Variants in RASSF8 observed in about 807,000 individuals in gnomAD.
RASSF8 encodes Ras association domain family member 8, also known as ras association domain-containing protein 8.
RASSF8 carries 22 observed loss-of-function variants against 48.5 expected under a neutral mutation model. The observed-to-expected ratio is 0.45, with a 90% CI of 0.32 to 0.65. The LOEUF (loss-of-function observed/expected upper bound fraction) is 0.65, where lower values mean the gene tolerates loss of function less well. Ranked by LOEUF, RASSF8 falls within the 30% of genes least tolerant of loss-of-function variation. RASSF8 has a pLI of 0.03. For missense variants in RASSF8, 418 were observed against 489.2 expected (o/e 0.85, Z 1.37); for synonymous variants, 127 against 171.5 (o/e 0.74, Z 2.03).
chr12:26,045,777 T>C (rs1181736067), intron 2 of RASSF8, among the ~76,000 whole-genome samples: 1 of 152,210 alleles, frequency 6.6e-6, no homozygotes, highest in Non-Finnish European at 1.5e-5. Flanking sequence ...GAATGGTGGA[T>C]TTCATTGCAA....
intron 1 of RASSF8, among the ~76,000 whole-genome samples, chr12:25,971,570 GAA>G (rs139868434): frequency 6.7e-6 from 1 of 149,000 alleles, no homozygotes; most frequent in South Asian, 2.1e-4. Flanking sequence ...ATTTCATATG[GAA>G]AAAAAAGAAA....
chr12:25,959,879 T>C (rs1941188641), intron 1 of RASSF8: 1 of 152,214 alleles, frequency 6.6e-6, no homozygotes, highest in South Asian at 2.1e-4. Context: ...ACCACTACTT[T>C]CCCAGCCTCA....
rs191753963 is a variant in RASSF8, at chr12:25,964,977, C to G, written c.-203+5829C>G. On this transcript the variant is annotated intron_variant, in intron 1 of 5. Transcript: ENST00000689635. Reference sequence around the variant, plus strand: ...ATATTTTTTGAGACGGAGTCTTGCTCTGTCGTCCAGGCTGGAGTGCAGTGG... The same window carrying G: ...ATATTTTTTGAGACGGAGTCTTGCTGTGTCGTCCAGGCTGGAGTGCAGTGG... Among the ~76,000 whole-genome samples the G allele has an allele frequency of 3.8e-4, 58 of 152,248 alleles. No homozygotes were observed. The East Asian group carries it at 0.01, about 26-fold the overall frequency.
chr12:26,035,444 A>G (rs1391802375), intron 2 of RASSF8, among the ~76,000 whole-genome samples: 3 of 124,326 alleles, frequency 2.4e-5, no homozygotes, highest in Non-Finnish European at 5.2e-5. Context: ...ATTATATAAT[A>G]TAAGTATATG....
chr12:25,984,432 T>G (rs1941823380), intron 1 of RASSF8, among the ~76,000 whole-genome samples: 1 of 151,862 alleles, frequency 6.6e-6, no homozygotes, highest in Admixed American at 6.6e-5. Context: ...AACCTCTTCC[T>G]CCCCGGTTCA....
chr12:26,034,427 A>C (rs1943089620), intron 2 of RASSF8, among the ~76,000 whole-genome samples: 2 of 151,284 alleles, frequency 1.3e-5, no homozygotes, highest in Admixed American at 6.6e-5. Flanking sequence ...AAAAAATCTC[A>C]TGATGTTTTA....
intron 1 of RASSF8, among the ~76,000 whole-genome samples, chr12:25,964,160 G>A (rs892235851): frequency 7.9e-5 from 12 of 152,132 alleles, no homozygotes; most frequent in African/African-American, 2.9e-4. Context: ...TTTCCACCAT[G>A]TATATATGTC....
chr12:25,990,936 T>G (rs574153101), intron 1 of RASSF8, among the ~76,000 whole-genome samples: 1 of 152,238 alleles, frequency 6.6e-6, no homozygotes, highest in East Asian at 1.9e-4. Context: ...CAGAAAACAT[T>G]TTGGGGATCT....
chr12:26,003,626 G>A (rs1057064191), intron 2 of RASSF8, among the ~76,000 whole-genome samples: 1 of 151,666 alleles, frequency 6.6e-6, no homozygotes, highest in Non-Finnish European at 1.5e-5. Flanking sequence ...AACTGTATAG[G>A]GGGAATAAAA....
chr12:26,045,906 C>A (rs910312426), intron 2 of RASSF8, among the ~76,000 whole-genome samples: 11 of 152,150 alleles, frequency 7.2e-5, no homozygotes, highest in Non-Finnish European at 1.6e-4. Flanking sequence ...AATTTGCCAT[C>A]TCTTACGTAG....
chr12:26,055,406 A>G lies in RASSF8; in HGVS notation c.63A>G (p.Thr21=). 1 of 1,614,126 alleles carries G rather than the reference A, an allele frequency of 6.2e-7. No individual in the cohort carries two copies. Among genetic ancestry groups the G allele is most frequent in the South Asian group, 1.1e-5 (1 of 91,086 alleles). Reference sequence around the variant, plus strand: ...TTGTTTGTGGAGTCACTGAAGTCACAACTTGCCAGGAGGTTGTCATAGCCT... The same window carrying G: ...TTGTTTGTGGAGTCACTGAAGTCACGACTTGCCAGGAGGTTGTCATAGCCT... The part of the protein sequence containing the change: ...QRIVCGVTEV[T]TCQEVVIALA... The change falls in exon 3 of 6, where the codon ACA becomes ACG. Residue 21 remains threonine, a synonymous_variant. Transcript: ENST00000689635.
chr12:25,974,163 G>C (rs1447947352), intron 1 of RASSF8, among the ~76,000 whole-genome samples: 1 of 152,010 alleles, frequency 6.6e-6, no homozygotes, highest in African/African-American at 2.4e-5. Context: ...TAAATGGAGT[G>C]TAATTTTTTT....
At chr12:25,964,507 C>T (rs1363874938) in intron 1 of RASSF8, among the ~76,000 whole-genome samples, 1 of 152,122 alleles carries the variant, frequency 6.6e-6, no homozygotes, top group Non-Finnish European at 1.5e-5. Flanking sequence ...TATATTTTGT[C>T]ACTGTTGTTA....
chr12:26,017,728 G>C (rs1158653849), intron 2 of RASSF8, among the ~76,000 whole-genome samples: 2 of 152,234 alleles, frequency 1.3e-5, no homozygotes, highest in African/African-American at 4.8e-5. Context: ...CTGCAGACTG[G>C]GGAAGCCCCC....
chr12:26,074,034 T>A (rs1944048291), downstream of RASSF8, among the ~76,000 whole-genome samples: 1 of 151,934 alleles, frequency 6.6e-6, no homozygotes, highest in South Asian at 2.1e-4. Flanking sequence ...AAAGCAAAGA[T>A]GAAATGAGAA....
At chr12:26,012,214 CAAT>C (rs1250215504) in intron 2 of RASSF8, among the ~76,000 whole-genome samples, 1 of 152,124 alleles carries the variant, frequency 6.6e-6, no homozygotes, top group East Asian at 1.9e-4. Flanking sequence ...AAAGCAGAAA[CAAT>C]AATACCTACC....
At chr12:26,077,772 A>G (rs1944084897), downstream of RASSF8, among the ~76,000 whole-genome samples, 3 of 152,200 alleles carry the variant, frequency 2.0e-5, no homozygotes, top group Admixed American at 1.3e-4. Flanking sequence ...TTGGAACTTC[A>G]TCTTACTGAA....
At chr12:26,073,849 C>CACATATAT (rs35014279), downstream of RASSF8, among the ~76,000 whole-genome samples, 4 of 144,112 alleles carry the variant, frequency 2.8e-5, no homozygotes, top group Admixed American at 6.9e-5. Context: ...CACACACACA[C>CACATATAT]ATATATATAT....
At chr12:26,057,497 T>A (rs2137254972) in intron 3 of RASSF8, among the ~76,000 whole-genome samples, 1 of 152,340 alleles carries the variant, frequency 6.6e-6, no homozygotes, top group Non-Finnish European at 1.5e-5. Flanking sequence ...ATGGTGTATA[T>A]GTGCCACATT....
Sources: allele counts gnomAD v4.1 joint callset (sites outside exome capture counted in the v4.1 genomes callset), GRCh38; gene constraint gnomAD v4.1.1; transcripts MANE v1.5; gene names NCBI Gene and HGNC (gene_info 2026-07-23, HGNC 2026-07-21).